DENND1B: variants seen among roughly 807,000 people sequenced by gnomAD.
The protein encoded by DENND1B is DENN domain-containing protein 1B.
DENND1B carries 59 observed loss-of-function variants against 90.1 expected under a neutral mutation model. The observed-to-expected ratio is 0.65, with a 90% confidence interval of 0.53 to 0.81. The LOEUF (loss-of-function observed/expected upper bound fraction) is 0.81. DENND1B is among the 40% of genes least tolerant of loss of function. The pLI is 0.00. For missense variants in DENND1B, 862 were observed against 912.6 expected, an observed-to-expected ratio of 0.94 and a Z score of 0.71; for synonymous variants, 337 against 324.6, an observed-to-expected ratio of 1.04 and a Z score of -0.41.
chr1:197,530,919 A>G (rs1669567905), intron 20 of DENND1B, among the ~76,000 whole-genome samples: 1 of 152,092 alleles, frequency 6.6e-6, no homozygotes, highest in African/African-American at 2.4e-5. Flanking sequence ...CTGGCTCTAA[A>G]CTCCATATCC....
intron 2 of DENND1B, among the ~76,000 whole-genome samples, chr1:197,743,076 T>C (rs1452122807): frequency 2.0e-5 from 3 of 152,206 alleles, no homozygotes; most frequent in Admixed American, 6.5e-5. Context: ...CAGACTATCT[T>C]TTCCAGGATG....
intron 2 of DENND1B, among the ~76,000 whole-genome samples, chr1:197,721,518 A>G (rs1212514338): frequency 2.3e-5 from 1 of 44,270 alleles, no homozygotes; most frequent in Non-Finnish European, 4.0e-5. Context: ...TTCCTTCAAA[A>G]GGAAAGGACA....
chr1:197,559,200 G>T (rs532652268), intron 15 of DENND1B, among the ~76,000 whole-genome samples: 4 of 151,868 alleles, frequency 2.6e-5, no homozygotes, highest in Admixed American at 6.6e-5. Context: ...CTAGACACAT[G>T]TTATATAAAT....
intron 18 of DENND1B, among the ~76,000 whole-genome samples, chr1:197,541,881 G>A (rs1002887872): frequency 2.2e-4 from 34 of 152,074 alleles, no homozygotes; most frequent in African/African-American, 8.0e-4. Flanking sequence ...AACTATCCTC[G>A]AATCCACTTG....
At chr1:197,569,851 G>C (rs1233365003) in intron 15 of DENND1B, among the ~76,000 whole-genome samples, 1 of 152,028 alleles carries the variant, frequency 6.6e-6, no homozygotes, top group Non-Finnish European at 1.5e-5. Flanking sequence ...AACATGGAGA[G>C]TACAGTTAAT....
intron 15 of DENND1B, among the ~76,000 whole-genome samples, chr1:197,570,749 G>T (rs577742087): frequency 6.6e-6 from 1 of 152,182 alleles, no homozygotes; most frequent in Admixed American, 6.5e-5. Context: ...ATTTATGGTT[G>T]TTATCACTGT....
At chr1:197,664,339 C>T (rs1362287673) in intron 5 of DENND1B, among the ~76,000 whole-genome samples, 5 of 151,914 alleles carry the variant, frequency 3.3e-5, no homozygotes, top group Non-Finnish European at 5.9e-5. Context: ...TAAAATTGAA[C>T]AAAGAATAAC....
Position 197,641,085 on chromosome 1 carries a change from C to T in DENND1B, c.672+1626G>A, listed in dbSNP as rs371957347. ...CTAATAAATAATTGCTATTTGTTTG[C>T]TCACTTGTTTACAAACTGTTTCATG... On this transcript the variant is annotated intron_variant, in intron 10 of 22. Transcript: ENST00000620048. 7.2e-5 allele frequency among the ~76,000 whole-genome samples: 11 copies of T among 152,280 alleles called. No individual in the cohort carries two copies. The East Asian group carries it at 1.9e-3, about 27-fold the overall frequency.
rs1558184450 is a variant in DENND1B at position 197,510,157 on chromosome 1, A to G, written c.*303T>C. The G allele has an allele frequency of 3.1e-6, 1 of 325,744 alleles. No individual in the cohort carries two copies. Among genetic ancestry groups the G allele is most frequent in the Non-Finnish European group, 5.7e-6 (1 of 176,720 alleles). 20.2% of individuals were successfully genotyped at this position (325,744 alleles called of 1,614,324 possible). A position where few individuals can be genotyped will look rare whatever the true frequency, so the allele number is the denominator to read the frequency against. On this transcript the variant is annotated 3_prime_UTR_variant, in exon 23 of 23. Coordinates refer to ENST00000620048, the MANE Select transcript of DENND1B (RefSeq NM_001195215.2). The stretch of plus-strand genomic sequence containing the variant: ...GCTACTGGTTATGTGCATGGGTTAC[A>G]TATGCATTCTTAGCTTAAATAAAAT...
intron 20 of DENND1B, among the ~76,000 whole-genome samples, chr1:197,537,925 A>G (rs947673337): frequency 6.6e-6 from 1 of 152,080 alleles, no homozygotes; most frequent in African/African-American, 2.4e-5. Context: ...ATTTGAGGTG[A>G]TGGATATGTT....
intron 3 of DENND1B, among the ~76,000 whole-genome samples, chr1:197,706,142 C>T (rs1659511768): frequency 6.6e-6 from 1 of 152,106 alleles, no homozygotes; most frequent in African/African-American, 2.4e-5. Flanking sequence ...GTGAGAACTC[C>T]ATCTGTGGAC....
chr1:197,748,965 G>A (rs1306030899), intron 2 of DENND1B, among the ~76,000 whole-genome samples: 3 of 151,988 alleles, frequency 2.0e-5, no homozygotes, highest in Non-Finnish European at 4.4e-5. Flanking sequence ...GATTCAAAAC[G>A]AAAATCTACA....
chr1:197,632,474 A>G (rs1306344608), intron 10 of DENND1B, among the ~76,000 whole-genome samples: 1 of 152,026 alleles, frequency 6.6e-6, no homozygotes, highest in Non-Finnish European at 1.5e-5. Flanking sequence ...GTAGTCTGCC[A>G]CTCTATCTCC....
rs547913887 is a variant in DENND1B, at chr1:197,771,268, G to A, written c.82+1600C>T. 2.6e-5 allele frequency among the ~76,000 whole-genome samples: 4 copies of A among 152,246 alleles called. No individual in the cohort carries two copies. The East Asian group carries it at 7.7e-4, about 29-fold the overall frequency. On this transcript the variant is annotated intron_variant, in intron 2 of 22. Transcript: ENST00000620048. Reference sequence around the variant, plus strand: ...ACGCACCTTCGGTAATGTTGTGGTAGATATTTTTTAGATTAACTTATATCA... The same window carrying A: ...ACGCACCTTCGGTAATGTTGTGGTAAATATTTTTTAGATTAACTTATATCA...
intron 20 of DENND1B, among the ~76,000 whole-genome samples, chr1:197,514,260 A>G (rs765291767): frequency 6.6e-6 from 1 of 151,684 alleles, no homozygotes; most frequent in Non-Finnish European, 1.5e-5. Flanking sequence ...CTATTCCAAA[A>G]TACAATGTAT....
At chr1:197,619,183 T>C (rs1218578956) in intron 10 of DENND1B, among the ~76,000 whole-genome samples, 1 of 151,260 alleles carries the variant, frequency 6.6e-6, no homozygotes, top group Non-Finnish European at 1.5e-5. Flanking sequence ...TCAATAAGTA[T>C]TACTTTTTAA....
At chr1:197,664,448 G>C (rs932644217) in intron 5 of DENND1B, among the ~76,000 whole-genome samples, 4 of 152,010 alleles carry the variant, frequency 2.6e-5, no homozygotes. Context: ...TTAATTGTAA[G>C]ATCATTTCCT....
chr1:197,680,659 A>T (rs143672074), intron 3 of DENND1B, among the ~76,000 whole-genome samples: 1 of 152,294 alleles, frequency 6.6e-6, no homozygotes, highest in East Asian at 1.9e-4. Flanking sequence ...GTTTTATTGA[A>T]AATAAAATAA....
intron 22 of DENND1B, 31 bp from the exon 23 acceptor site, chr1:197,511,003 A>G: frequency 6.8e-7 from 1 of 1,472,600 alleles, no homozygotes; most frequent in Non-Finnish European, 9.0e-7. Flanking sequence ...CAAACTCAGA[A>G]AACTTTTAAT....
Sources: allele counts gnomAD v4.1 joint callset (sites outside exome capture counted in the v4.1 genomes callset), GRCh38; gene constraint gnomAD v4.1.1; transcripts MANE v1.5; gene names NCBI Gene and HGNC (gene_info 2026-07-23, HGNC 2026-07-21).